TTC34: variants seen among roughly 807,000 people sequenced by gnomAD.
TTC34 encodes the protein tetratricopeptide repeat domain 34, also known as tetratricopeptide repeat protein 34.
TTC34 carries 44 observed loss-of-function variants against 40.7 expected under a neutral mutation model. That is an observed-to-expected ratio of 1.08 (90% CI 0.85 to 1.39). The LOEUF (loss-of-function observed/expected upper bound fraction) is 1.39. Among genes scored for constraint, TTC34 ranks in the 40% most tolerant of loss-of-function variants. TTC34 has a pLI of 0.00. For missense variants in TTC34, 884 were observed against 838.0 expected, an observed-to-expected ratio of 1.05 and a Z score of -0.68; for synonymous variants, 422 against 398.6, an observed-to-expected ratio of 1.06 and a Z score of -0.70.
intron 6 of TTC34, among the ~76,000 whole-genome samples, chr1:2,749,691 G>A: frequency 1.2e-5 from 1 of 86,884 alleles, no homozygotes. Flanking sequence ...GCACACCCAG[G>A]TGAGCATCTG....
chr1:2,759,862 C>T (rs1641635909), intron 6 of TTC34, among the ~76,000 whole-genome samples: 1 of 124,242 alleles, frequency 8.0e-6, no homozygotes. Context: ...ATCTGACAGC[C>T]TGGAGTAGTA....
At chr1:2,768,699 G>A (rs1444282956) in intron 6 of TTC34, among the ~76,000 whole-genome samples, 1 of 147,040 alleles carries the variant, frequency 6.8e-6, no homozygotes, top group Non-Finnish European at 1.5e-5. Context: ...CAAGACCACT[G>A]CCCCCAGGTG....
In TTC34 at chr1:2,760,445, A is replaced by T. The variant is rs1174214241; in HGVS notation, c.2226+23164T>A. 5.1e-5 allele frequency among the ~76,000 whole-genome samples: 2 copies of T among 38,902 alleles called. 1 individual carries two copies. Among genetic ancestry groups the T allele is most frequent in the Non-Finnish European group, 7.7e-5 (2 of 25,878 alleles). The allele number at this position is 38,902 out of a possible 152,430, so 25.5% of individuals were successfully genotyped here. On this transcript the variant is annotated intron_variant, in intron 6 of 8. Coordinates refer to ENST00000401095, the Ensembl canonical transcript of TTC34. ...TGACAGCCTGGAGCAGCATCCACAC[A>T]CCCAGGCGAGAATCTGACAGCCTGG...
At position 2,759,581 on chromosome 1, in the gene TTC34, C is replaced by A. The variant is rs1641623564; in HGVS notation, c.2226+24028G>T. 3.3e-5 allele frequency among the ~76,000 whole-genome samples: 5 copies of A among 151,746 alleles called. No individual in the cohort carries two copies. In the South Asian group the frequency reaches 8.3e-4, roughly 25 times the overall value. On this transcript the variant is annotated intron_variant, in intron 6 of 8. Transcript: ENST00000401095. ...CACTCCCAGACGAGCATCGGACAGCCTGGAACAGCACCCACACCGCCAGGC... is the reference window on the plus strand; with the variant it reads ...CACTCCCAGACGAGCATCGGACAGCATGGAACAGCACCCACACCGCCAGGC...
At chr1:2,641,344 G>A in exon 9 of TTC34, 1 of 1,470,102 alleles carries the variant, frequency 6.8e-7, no homozygotes, top group East Asian at 2.5e-5. Context: ...CCCGTGATTA[G>A]GGCTGGGAGA....
chr1:2,775,471 C>G (rs868672708), intron 6 of TTC34: 1 of 146,576 alleles, frequency 6.8e-6, no homozygotes, highest in Non-Finnish European at 1.5e-5. Context: ...AGTACCCACA[C>G]CCCCAGGTGT....
intron 6 of TTC34, among the ~76,000 whole-genome samples, chr1:2,752,217 T>A (rs1476900312): frequency 2.8e-5 from 3 of 108,222 alleles, no homozygotes; most frequent in African/African-American, 4.4e-5. Context: ...CACCCCCAGG[T>A]GAGCATCTGA....
chr1:2,653,152 G>C (rs1212419385), intron 6 of TTC34, among the ~76,000 whole-genome samples: 1 of 152,172 alleles, frequency 6.6e-6, no homozygotes, highest in Non-Finnish European at 1.5e-5. Context: ...TGATGGTCTG[G>C]AGCAGCACCC....
intron 8 of TTC34, among the ~76,000 whole-genome samples, chr1:2,642,403 T>A (rs940173613): frequency 6.6e-6 from 1 of 152,156 alleles, no homozygotes; most frequent in Non-Finnish European, 1.5e-5. Flanking sequence ...TTCTGAAGGC[T>A]GCTCCAGGCC....
At chr1:2,784,633 G>T (rs1414086710) in intron 5 of TTC34, among the ~76,000 whole-genome samples, 1 of 152,114 alleles carries the variant, frequency 6.6e-6, no homozygotes, top group African/African-American at 2.4e-5. Context: ...CTCACCTCTT[G>T]CCTTCTATTC....
At chr1:2,771,524 C>T (rs1232541708) in intron 6 of TTC34, among the ~76,000 whole-genome samples, 1 of 78,270 alleles carries the variant, frequency 1.3e-5, no homozygotes, top group African/African-American at 9.2e-5. Context: ...GCACGCACAC[C>T]CCCAGGCGAG....
rs1313805387 is a variant in TTC34, at chr1:2,784,987, G to GGCC, written c.2059+831_2059+832insGGC. Among the ~76,000 whole-genome samples, 309 of 151,850 alleles carry GGCC rather than the reference G, an allele frequency of 2.0e-3. 1 individual carries two copies. The highest frequency in any genetic ancestry group is 5.8e-3 in the African/African-American group (241 of 41,258). ...CTCTGGGCCACTCTGGGCCGCTCTG[G>GGCC]GCTGCTCTGGGCCGCTCTGGGCCGC... On this transcript the variant is annotated intron_variant, in intron 5 of 8. Transcript: ENST00000401095.
intron 6 of TTC34, among the ~76,000 whole-genome samples, chr1:2,686,158 T>A (rs1214002183): frequency 7.3e-5 from 1 of 13,638 alleles, no homozygotes; most frequent in Non-Finnish European, 1.4e-4. Context: ...GCAGCACGCA[T>A]AACCACAGGT....
chr1:2,651,687 G>A (rs1639138637), intron 6 of TTC34, among the ~76,000 whole-genome samples: 1 of 151,944 alleles, frequency 6.6e-6, no homozygotes, highest in Non-Finnish European at 1.5e-5. Context: ...ACACCCAGGT[G>A]AGCATCTGAA....
intron 6 of TTC34, among the ~76,000 whole-genome samples, chr1:2,750,666 G>T (rs1361563782): frequency 5.8e-5 from 7 of 120,354 alleles, no homozygotes; most frequent in Middle Eastern, 4.0e-3. Context: ...GCATCTGACA[G>T]CCTGGAACAG....
chr1:2,784,941 A>G (rs985777775), intron 5 of TTC34, among the ~76,000 whole-genome samples: 1 of 125,714 alleles, frequency 8.0e-6, no homozygotes, highest in Non-Finnish European at 1.7e-5. Context: ...TGTGACGGAC[A>G]TGGGACAACA....
At chr1:2,754,937 C>G (rs1378161550) in intron 6 of TTC34, among the ~76,000 whole-genome samples, 1 of 66,306 alleles carries the variant, frequency 1.5e-5, no homozygotes, top group Non-Finnish European at 2.6e-5. Flanking sequence ...ACAGCACGCA[C>G]ACACCCAGGT....
chr1:2,786,340 G>A (rs1312240832), intron 4 of TTC34, among the ~76,000 whole-genome samples: 2 of 152,234 alleles, frequency 1.3e-5, no homozygotes, highest in East Asian at 3.9e-4. Context: ...TGAGCACTAG[G>A]AGGTTGGCCG....
At chr1:2,755,403 C>A (rs1305354038) in intron 6 of TTC34, among the ~76,000 whole-genome samples, 36 of 45,680 alleles carry the variant, frequency 7.9e-4, no homozygotes, top group Admixed American at 2.8e-3. Context: ...CATTCGACAG[C>A]CTGGAGCAGC....
Sources: allele counts gnomAD v4.1 joint callset (sites outside exome capture counted in the v4.1 genomes callset), GRCh38; gene constraint gnomAD v4.1.1; transcripts MANE v1.5; gene names NCBI Gene and HGNC (gene_info 2026-07-23, HGNC 2026-07-21).